Variants in SUMF1 observed in about 807,000 individuals in gnomAD.
SUMF1 encodes the protein formylglycine-generating enzyme.
A neutral mutation model predicts 47.6 loss-of-function variants in SUMF1; 48 were observed. The ratio of observed to expected loss-of-function variants is 1.01; its 90% CI spans 0.80 to 1.28. The LOEUF is 1.28. SUMF1 is among the 50% of genes most tolerant of loss of function. The pLI is 0.00. For synonymous variants in SUMF1, 230 were observed against 192.1 expected (o/e 1.20, Z -1.63); for missense variants, 571 against 485.4 (o/e 1.18, Z -1.66).
At chr3:4,059,018 G>A (rs1045186568) in intron 9 of SUMF1, among the ~76,000 whole-genome samples, 3 of 152,096 alleles carry the variant, frequency 2.0e-5, no homozygotes, top group Non-Finnish European at 4.4e-5. Flanking sequence ...TTTCATTAGA[G>A]AGAATGAACA....
intron 8 of SUMF1, among the ~76,000 whole-genome samples, chr3:4,332,860 C>T (rs142410242): frequency 0.011 from 1,613 of 152,224 alleles, 10 homozygotes; most frequent in Non-Finnish European, 0.015. Flanking sequence ...CCCACCATGC[C>T]GCCTATCCTG....
At chr3:4,441,324 T>C (rs925433805) in intron 3 of SUMF1, among the ~76,000 whole-genome samples, 2 of 152,240 alleles carry the variant, frequency 1.3e-5, no homozygotes, top group Non-Finnish European at 2.9e-5. Context: ...TGGGACTGCA[T>C]AGTTGCAAGA....
At chr3:4,249,009 T>C (rs1471109664) in intron 8 of SUMF1, among the ~76,000 whole-genome samples, 1 of 152,188 alleles carries the variant, frequency 6.6e-6, no homozygotes, top group Admixed American at 6.5e-5. Context: ...TTTCGTCCCC[T>C]TCTCCTTCAC....
chr3:4,045,900 C>T (rs1694997345), intron 9 of SUMF1, among the ~76,000 whole-genome samples: 1 of 152,052 alleles, frequency 6.6e-6, no homozygotes, highest in Non-Finnish European at 1.5e-5. Context: ...AAGAATGATT[C>T]CCGAGCTGGG....
chr3:4,254,780 C>A (rs954474259), intron 8 of SUMF1, among the ~76,000 whole-genome samples: 2,405 of 149,418 alleles, frequency 0.016, 76 homozygotes, highest in African/African-American at 0.056. Flanking sequence ...AAAGATACTC[C>A]TCGAGAAGAG....
intron 8 of SUMF1, among the ~76,000 whole-genome samples, chr3:4,185,427 A>G (rs1198339485): frequency 6.6e-6 from 1 of 151,474 alleles, no homozygotes; most frequent in Admixed American, 6.6e-5. Flanking sequence ...ATTTAATGTA[A>G]GATACATTAT....
At chr3:4,375,216 A>G (rs540259947) in intron 8 of SUMF1, among the ~76,000 whole-genome samples, 6 of 152,134 alleles carry the variant, frequency 3.9e-5, no homozygotes, top group African/African-American at 1.4e-4. Context: ...CTAAAGCATC[A>G]ATTGAGCTCT....
intron 9 of SUMF1, among the ~76,000 whole-genome samples, chr3:4,061,691 G>A (rs56399798): frequency 0.14 from 21,897 of 151,998 alleles, 1,837 homozygotes; most frequent in South Asian, 0.25. Context: ...ACATAAGGGA[G>A]GTACAGAAAC....
At chr3:4,145,332 G>A (rs774259619) in intron 8 of SUMF1, among the ~76,000 whole-genome samples, 4 of 151,846 alleles carry the variant, frequency 2.6e-5, no homozygotes, top group Non-Finnish European at 5.9e-5. Flanking sequence ...AATATTTGCT[G>A]AATGAATGAA....
chr3:4,235,633 A>AT (rs1696390658), intron 8 of SUMF1, among the ~76,000 whole-genome samples: 1 of 152,090 alleles, frequency 6.6e-6, no homozygotes, highest in Non-Finnish European at 1.5e-5. Flanking sequence ...CAAATGTATT[A>AT]CCTCTATGTA....
chr3:4,219,523 T>G (rs766076127), intron 8 of SUMF1, among the ~76,000 whole-genome samples: 1 of 152,178 alleles, frequency 6.6e-6, no homozygotes, highest in African/African-American at 2.4e-5. Flanking sequence ...ACCTGTAAGT[T>G]GCAAAGTCTC....
intron 8 of SUMF1, among the ~76,000 whole-genome samples, chr3:4,158,136 C>A (rs1311759947): frequency 6.6e-6 from 1 of 151,642 alleles, no homozygotes; most frequent in Non-Finnish European, 1.5e-5. Context: ...AGGCCACAAA[C>A]ACAGTCTCTG....
intron 8 of SUMF1, among the ~76,000 whole-genome samples, chr3:4,082,580 G>A (rs1366232307): frequency 6.6e-6 from 1 of 151,904 alleles, no homozygotes; most frequent in Non-Finnish European, 1.5e-5. Flanking sequence ...ACAACCAAAG[G>A]TCTGAGACAA....
At chr3:4,177,333 A>G (rs568683446) in intron 8 of SUMF1, among the ~76,000 whole-genome samples, 1 of 152,310 alleles carries the variant, frequency 6.6e-6, no homozygotes, top group Admixed American at 6.5e-5. Context: ...AATCACAAAA[A>G]ACTGTCTCTC....
intron 8 of SUMF1, among the ~76,000 whole-genome samples, chr3:4,375,438 G>T (rs141274440): frequency 2.5e-4 from 38 of 152,218 alleles, no homozygotes; most frequent in Admixed American, 1.3e-4. Context: ...TCAGAATGGG[G>T]GTGAGTGAGG....
intron 8 of SUMF1, among the ~76,000 whole-genome samples, chr3:4,323,371 C>G (rs1698877565): frequency 6.6e-6 from 1 of 152,116 alleles, no homozygotes; most frequent in South Asian, 2.1e-4. Context: ...TAGTGGTTGC[C>G]AGGGCCGGGA....
At chr3:4,412,762 C>T (rs1038340548) in intron 6 of SUMF1, among the ~76,000 whole-genome samples, 10 of 152,122 alleles carry the variant, frequency 6.6e-5, no homozygotes, top group South Asian at 6.2e-4. Flanking sequence ...GCATGGTGCA[C>T]GCCTGTAATC....
At chr3:4,151,244 T>G (rs1217793878) in intron 8 of SUMF1, among the ~76,000 whole-genome samples, 1 of 134,186 alleles carries the variant, frequency 7.5e-6, no homozygotes, top group Non-Finnish European at 1.6e-5. Flanking sequence ...TATATCAACA[T>G]ATAATAGATA....
intron 9 of SUMF1, among the ~76,000 whole-genome samples, chr3:4,036,849 C>CAAAAAAAAAAA (rs3048145): frequency 1.3e-5 from 1 of 75,144 alleles, no homozygotes; most frequent in African/African-American, 5.8e-5. Flanking sequence ...GTCAGTGAGG[C>CAAAAAAAAAAA]AAAAAAAAAA....
Sources: allele counts gnomAD v4.1 joint callset (sites outside exome capture counted in the v4.1 genomes callset), GRCh38; gene constraint gnomAD v4.1.1; transcripts MANE v1.5; gene names NCBI Gene and HGNC (gene_info 2026-07-23, HGNC 2026-07-21).